The following BRINP3 variants were observed in gnomAD, a reference collection of about 807,000 sequenced individuals.
The protein encoded by BRINP3 is BMP/retinoic acid inducible neural specific 3.
Under a neutral mutation model 71.0 loss-of-function variants are expected in BRINP3, and 19 were observed. That is an observed-to-expected ratio of 0.27 (90% CI 0.19 to 0.39). The LOEUF (loss-of-function observed/expected upper bound fraction) is 0.39. BRINP3 is among the 10% of genes least tolerant of loss of function. The pLI is 1.00. For synonymous variants in BRINP3, 380 were observed against 337.7 expected (o/e 1.13, Z -1.37); for missense variants, 959 against 940.8 (o/e 1.02, Z -0.25).
chr1:190,346,500 A>C (rs931536829), intron 2 of BRINP3, among the ~76,000 whole-genome samples: 1 of 151,954 alleles, frequency 6.6e-6, no homozygotes, highest in African/African-American at 2.4e-5. Context: ...TTTTAAAAAA[A>C]CTCTTAGGTC....
At chr1:190,136,842 T>C (rs1278628253) in intron 7 of BRINP3, among the ~76,000 whole-genome samples, 2 of 152,012 alleles carry the variant, frequency 1.3e-5, no homozygotes, top group Admixed American at 6.6e-5. Flanking sequence ...GGTTGCCAAT[T>C]ATTGAGCACT....
intron 4 of BRINP3, among the ~76,000 whole-genome samples, chr1:190,247,335 T>G (rs2102797542): frequency 6.6e-6 from 1 of 152,022 alleles, no homozygotes; most frequent in Middle Eastern, 3.4e-3. Context: ...TGCATTTTTG[T>G]TTTAGAAAAA....
chr1:190,424,230 A>C (rs1475502484), intron 2 of BRINP3, among the ~76,000 whole-genome samples: 1 of 151,570 alleles, frequency 6.6e-6, no homozygotes, highest in African/African-American at 2.4e-5. Flanking sequence ...TTACTTCAGT[A>C]TTTTCTGGAA....
At chr1:190,412,815 T>TA (rs911626004) in intron 2 of BRINP3, among the ~76,000 whole-genome samples, 1 of 151,982 alleles carries the variant, frequency 6.6e-6, no homozygotes, top group African/African-American at 2.4e-5. Flanking sequence ...GTAAAAATGT[T>TA]AAAAAAATTT....
At chr1:190,186,611 CTT>C (rs1653550904) in intron 6 of BRINP3, among the ~76,000 whole-genome samples, 1 of 152,146 alleles carries the variant, frequency 6.6e-6, no homozygotes, top group African/African-American at 2.4e-5. Flanking sequence ...CTTTACCAGA[CTT>C]AGCCTGAGTG....
At chr1:190,154,837 T>A (rs1656723222) in intron 7 of BRINP3, among the ~76,000 whole-genome samples, 1 of 152,092 alleles carries the variant, frequency 6.6e-6, no homozygotes, top group South Asian at 2.1e-4. Flanking sequence ...GGAAAACCAT[T>A]TTTACTTGAC....
intron 2 of BRINP3, among the ~76,000 whole-genome samples, chr1:190,399,862 G>A (rs973261588): frequency 2.6e-5 from 4 of 151,814 alleles, no homozygotes; most frequent in South Asian, 2.1e-4. Context: ...AGCTACTCCT[G>A]GTCTTAGAGA....
At chr1:190,199,966 T>C (rs181106825) in intron 6 of BRINP3, among the ~76,000 whole-genome samples, 142 of 152,246 alleles carry the variant, frequency 9.3e-4, no homozygotes, top group African/African-American at 2.5e-3. Context: ...TTTTTCCCTC[T>C]TAGTTTATGA....
chr1:190,154,201 G>A (rs1378126271), intron 7 of BRINP3: 1 of 278,838 alleles, frequency 3.6e-6, no homozygotes, highest in Non-Finnish European at 5.4e-6. Context: ...TTATATACAT[G>A]TATCCACCTT....
At chr1:190,447,051 G>A (rs1397246163) in intron 2 of BRINP3, among the ~76,000 whole-genome samples, 1 of 151,728 alleles carries the variant, frequency 6.6e-6, no homozygotes, top group Non-Finnish European at 1.5e-5. Flanking sequence ...TGATTTTAGT[G>A]CAATATACAT....
intron 2 of BRINP3, among the ~76,000 whole-genome samples, chr1:190,400,142 A>G (rs1004513374): frequency 3.3e-5 from 5 of 152,136 alleles, no homozygotes; most frequent in South Asian, 2.1e-4. Context: ...ACCTGATATG[A>G]CATAGAAATG....
chr1:190,302,843 A>G (rs1664832844), intron 2 of BRINP3: 1 of 151,928 alleles, frequency 6.6e-6, no homozygotes, highest in Non-Finnish European at 1.5e-5. Flanking sequence ...CAGAATATAG[A>G]AAATATTTAT....
chr1:190,239,314 T>G (rs1250125523), intron 4 of BRINP3, among the ~76,000 whole-genome samples: 1 of 152,280 alleles, frequency 6.6e-6, no homozygotes, highest in Admixed American at 6.5e-5. Flanking sequence ...TTATGTATTC[T>G]GTCCACAGAA....
chr1:190,153,920 A>G (rs1335575013), intron 7 of BRINP3: 1 of 198,324 alleles, frequency 5.0e-6, no homozygotes, highest in African/African-American at 2.4e-5. Flanking sequence ...TTGGGATGCA[A>G]GTTTGGCTCT....
chr1:190,276,779 T>A (rs1470476903), intron 3 of BRINP3, among the ~76,000 whole-genome samples: 1 of 150,984 alleles, frequency 6.6e-6, no homozygotes, highest in East Asian at 1.9e-4. Context: ...ATGAAGAGAA[T>A]TTTTTTTGTA....
In BRINP3 at chr1:190,224,705, G is replaced by T. The variant is rs150102621; in HGVS notation, c.961+1377C>A. Among the ~76,000 whole-genome samples, 829 of 151,864 alleles carry T rather than the reference G, an allele frequency of 5.5e-3. 6 individuals are homozygous for T. Among genetic ancestry groups the T allele is most frequent in the African/African-American group, 0.018 (756 of 41,474 alleles). On this transcript the variant is annotated intron_variant, in intron 6 of 7. Coordinates refer to ENST00000367462, the MANE Select transcript of BRINP3 (RefSeq NM_199051.3). ...AAAGTGAAGAGATAACCCACAGAAT[G>T]GGAGAAAATATTTACAAACCATTCA...
At chr1:190,333,614 T>G (rs1667102861) in intron 2 of BRINP3, among the ~76,000 whole-genome samples, 1 of 151,906 alleles carries the variant, frequency 6.6e-6, no homozygotes, top group South Asian at 2.1e-4. Context: ...AATTTTAAAT[T>G]TTACACTATT....
intron 2 of BRINP3, among the ~76,000 whole-genome samples, chr1:190,317,278 C>T (rs892991964): frequency 1.3e-5 from 2 of 151,816 alleles, no homozygotes; most frequent in African/African-American, 2.4e-5. Context: ...AAATGGGGCA[C>T]GTAATTGCTG....
intron 7 of BRINP3, among the ~76,000 whole-genome samples, chr1:190,132,056 T>C (rs750608186): frequency 1.1e-4 from 17 of 152,046 alleles, no homozygotes; most frequent in Non-Finnish European, 2.2e-4. Context: ...AATCTAAGCA[T>C]CAATTTATAA....
Sources: allele counts gnomAD v4.1 joint callset (sites outside exome capture counted in the v4.1 genomes callset), GRCh38; gene constraint gnomAD v4.1.1; transcripts MANE v1.5; gene names NCBI Gene and HGNC (gene_info 2026-07-23, HGNC 2026-07-21).